Variants in FNIP1 observed in about 807,000 individuals in gnomAD.
FNIP1 encodes folliculin-interacting protein 1.
FNIP1 carries 40 observed loss-of-function variants against 124.5 expected under a neutral mutation model. The observed-to-expected ratio is 0.32, with a 90% CI of 0.25 to 0.42. FNIP1 has a LOEUF of 0.42. Among genes scored for constraint, FNIP1 ranks in the 10% least tolerant of loss-of-function variants. The probability of loss-of-function intolerance (pLI) is 1.00; values close to 1 mark genes in which losing one functional copy is unlikely to be tolerated. For synonymous variants in FNIP1, 472 were observed against 470.6 expected, an observed-to-expected ratio of 1.00 and a Z score of -0.04; for missense variants, 1,176 against 1,403.7, an observed-to-expected ratio of 0.84 and a Z score of 2.59.
intron 11 of FNIP1, 116 bp downstream of exon 11, chr5:131,698,801 C>T (rs992364284): frequency 2.6e-6 from 2 of 768,870 alleles, no homozygotes; most frequent in Non-Finnish European, 4.0e-6. Flanking sequence ...TGAATTACAC[C>T]ATCATATGAC....
intron 3 of FNIP1, among the ~76,000 whole-genome samples, chr5:131,727,149 A>C (rs1229010176): frequency 6.6e-6 from 1 of 152,194 alleles, no homozygotes; most frequent in Non-Finnish European, 1.5e-5. Flanking sequence ...AGAGTTCTGC[A>C]GATGTCTATT....
chr5:131,671,353 C>G (rs1767742526), intron 14 of FNIP1, 152 bp downstream of exon 14: 2 of 664,222 alleles, frequency 3.0e-6, no homozygotes, highest in Non-Finnish European at 4.9e-6. Context: ...TGGAGCTTAG[C>G]CTTTACTCCT....
intron 1 of FNIP1, 60 bp downstream of exon 1, chr5:131,796,770 C>T (rs1420611486): frequency 3.4e-6 from 5 of 1,486,396 alleles, no homozygotes; most frequent in Non-Finnish European, 4.6e-6. Flanking sequence ...CCCCAACACC[C>T]CTGGAGCCCG....
Position 131,644,744 on chromosome 5 carries a change from G to A in FNIP1, c.3442C>T (p.Pro1148Ser), listed in dbSNP as rs745534183. The stretch of plus-strand genomic sequence containing the variant: ...GTGCTTGCTACAGCAGCCAGAAGTG[G>A]AAGATCACTGGATTCAATCCTGAAA... ...VVLGIESSDL[P>S]LLAAVASTHS... The change falls in exon 18 of 18, where the codon CCA (proline) becomes TCA (serine). Residue 1148 changes from proline to serine, a missense_variant. Coordinates refer to ENST00000510461, the MANE Select transcript of FNIP1 (RefSeq NM_133372.3). 6.2e-7 allele frequency: 1 copy of A among 1,613,932 alleles called. No homozygotes were observed. Among genetic ancestry groups the A allele is most frequent in the Non-Finnish European group, 8.5e-7 (1 of 1,179,926 alleles).
At chr5:131,766,008 C>T (rs1349331903) in intron 1 of FNIP1, among the ~76,000 whole-genome samples, 1 of 152,112 alleles carries the variant, frequency 6.6e-6, no homozygotes, top group Admixed American at 6.5e-5. Flanking sequence ...TATCTGATTA[C>T]AAATTTTGAT....
At chr5:131,719,240 T>C in intron 4 of FNIP1, 77 bp downstream of exon 4, 1 of 1,307,702 alleles carries the variant, frequency 7.6e-7, no homozygotes, top group Non-Finnish European at 1.1e-6. Flanking sequence ...TGAGTGAAGA[T>C]CATATAAAAT....
intron 14 of FNIP1, among the ~76,000 whole-genome samples, chr5:131,670,903 G>T (rs1335397132): frequency 1.3e-5 from 2 of 152,110 alleles, no homozygotes; most frequent in African/African-American, 4.8e-5. Context: ...AGAGAAGAAG[G>T]TCTGATGAGC....
At chr5:131,752,975 G>A (rs1770929921) in intron 1 of FNIP1, among the ~76,000 whole-genome samples, 2 of 152,344 alleles carry the variant, frequency 1.3e-5, no homozygotes, top group South Asian at 2.1e-4. Flanking sequence ...GGGAGGCTGA[G>A]GCAGGAGAAT....
At chr5:131,779,546 G>A (rs1017394212) in intron 1 of FNIP1, among the ~76,000 whole-genome samples, 3 of 151,748 alleles carry the variant, frequency 2.0e-5, no homozygotes, top group Non-Finnish European at 4.4e-5. Flanking sequence ...AAATTAGCCA[G>A]GCATGGCGGC....
At chr5:131,660,895 A>G (rs1477840055) in intron 15 of FNIP1, among the ~76,000 whole-genome samples, 1 of 152,058 alleles carries the variant, frequency 6.6e-6, no homozygotes, top group Non-Finnish European at 1.5e-5. Context: ...CCAGCAACAC[A>G]CTGCTGACCC....
chr5:131,796,985 G>A lies in FNIP1; in HGVS notation c.-64C>T, dbSNP rs1191260684. 6 of 1,424,688 alleles carry A rather than the reference G, an allele frequency of 4.2e-6. No homozygotes were observed. The highest frequency in any genetic ancestry group is 2.5e-5 in the South Asian group (2 of 80,018). 88.3% of individuals were successfully genotyped at this position (1,424,688 alleles called of 1,614,324 possible). On this transcript the variant is annotated 5_prime_UTR_variant, in exon 1 of 18. Transcript: ENST00000510461. Reference sequence around the variant, plus strand: ...TTGCTAGGCCCCTGCTCCTACAGCCGCCCCGCCACCCCCATGGGCGCCTCA... The same window carrying A: ...TTGCTAGGCCCCTGCTCCTACAGCCACCCCGCCACCCCCATGGGCGCCTCA...
chr5:131,770,433 G>A (rs946090654), intron 1 of FNIP1, among the ~76,000 whole-genome samples: 4 of 152,174 alleles, frequency 2.6e-5, no homozygotes, highest in African/African-American at 7.2e-5. Flanking sequence ...GTATCAGCAT[G>A]TTCTTTTAGA....
At chr5:131,675,987 T>C (rs1435037170) in intron 13 of FNIP1, among the ~76,000 whole-genome samples, 1 of 151,780 alleles carries the variant, frequency 6.6e-6, no homozygotes, top group East Asian at 1.9e-4. Context: ...GCCTCCTAAG[T>C]GGCTGGGATT....
chr5:131,661,313 C>T (rs746090828), intron 15 of FNIP1, among the ~76,000 whole-genome samples: 5 of 151,486 alleles, frequency 3.3e-5, no homozygotes, highest in Non-Finnish European at 5.9e-5. Flanking sequence ...AGACCTAACT[C>T]GGAGAACCTT....
intron 1 of FNIP1, among the ~76,000 whole-genome samples, chr5:131,783,392 T>A (rs1772059274): frequency 6.9e-6 from 1 of 145,394 alleles, no homozygotes; most frequent in Admixed American, 6.9e-5. Context: ...AAAAATGAAA[T>A]CTCCTAGAAG....
intron 1 of FNIP1, among the ~76,000 whole-genome samples, chr5:131,774,426 G>A (rs1027446587): frequency 2.6e-5 from 4 of 152,148 alleles, no homozygotes; most frequent in Admixed American, 6.5e-5. Flanking sequence ...CTCTAAAAAA[G>A]TAACACTGAA....
intron 5 of FNIP1, among the ~76,000 whole-genome samples, chr5:131,717,137 C>G (rs1446906840): frequency 6.6e-6 from 1 of 151,750 alleles, no homozygotes; most frequent in East Asian, 1.9e-4. Context: ...TCCCTCCCCC[C>G]TCACCCCACC....
At chr5:131,678,877 C>A in intron 12 of FNIP1, 152 bp downstream of exon 12, 1 of 577,624 alleles carries the variant, frequency 1.7e-6, no homozygotes, top group Non-Finnish European at 3.0e-6. Flanking sequence ...AATACTCTTC[C>A]ATACCCTATC....
intron 1 of FNIP1, among the ~76,000 whole-genome samples, chr5:131,794,564 A>C (rs1772514810): frequency 6.6e-6 from 1 of 152,234 alleles, no homozygotes; most frequent in African/African-American, 2.4e-5. Context: ...CTGGGGAAAA[A>C]ATATGTCCTC....
Sources: gnomAD v4.1 joint callset for allele counts (sites outside exome capture counted in the v4.1 genomes callset) on GRCh38, gnomAD v4.1.1 for gene constraint, MANE v1.5 for transcripts, NCBI Gene and HGNC (gene_info 2026-07-23, HGNC 2026-07-21) for gene names.